Variants in BEND6 observed in about 807,000 individuals in gnomAD.
BEND6 encodes BEN domain-containing protein 6.
In BEND6, 24 loss-of-function variants were observed where a neutral mutation model predicts 31.8. The observed-to-expected ratio is 0.75, with a 90% CI of 0.55 to 1.06. BEND6 has a LOEUF of 1.06. BEND6 is among the 50% of genes least tolerant of loss of function. BEND6 has a pLI of 0.00. For missense variants in BEND6, 294 were observed against 327.4 expected, an observed-to-expected ratio of 0.90 and a Z score of 0.79; for synonymous variants, 109 against 114.6, an observed-to-expected ratio of 0.95 and a Z score of 0.31.
At chr6:57,017,114 C>A in intron 4 of BEND6, 93 bp from the exon 5 acceptor site, 1 of 667,522 alleles carries the variant, frequency 1.5e-6, no homozygotes, top group Non-Finnish European at 2.2e-6. Flanking sequence ...AAAATGTTGA[C>A]ATTGTTTTCT....
chr6:56,989,236 T>C (rs62417410), intron 2 of BEND6, among the ~76,000 whole-genome samples: 29,957 of 151,618 alleles, frequency 0.2, 3,198 homozygotes, highest in Middle Eastern at 0.22. Context: ...TATACCATAT[T>C]GTTTACTTCT....
At chr6:56,999,925 C>A (rs535835867) in intron 3 of BEND6, among the ~76,000 whole-genome samples, 5 of 149,254 alleles carry the variant, frequency 3.3e-5, no homozygotes, top group Non-Finnish European at 7.4e-5. Flanking sequence ...GTCTAGGAAG[C>A]GAGCCCCTCT....
chr6:56,974,081 T>C (rs1209957380), intron 1 of BEND6, among the ~76,000 whole-genome samples: 1 of 152,180 alleles, frequency 6.6e-6, no homozygotes, highest in African/African-American at 2.4e-5. Context: ...ATTTCTGGAA[T>C]TTCCCATTTA....
rs1011420338 is a variant in BEND6, at chr6:56,992,567, G to A, written c.298+12G>A. 7 of 1,598,526 alleles carry A rather than the reference G, an allele frequency of 4.4e-6. No individual in the cohort carries two copies. The highest frequency in any genetic ancestry group is 4.3e-6 in the Non-Finnish European group (5 of 1,175,300). On this transcript the variant is annotated intron_variant, in intron 3 of 6. Coordinates refer to ENST00000370746, the MANE Select transcript of BEND6 (RefSeq NM_152731.3). ...GGTCATGCTTCAAGGTAAACTTTGA[G>A]AAAATTGACATTTTAGATAAAAGGG...
intron 6 of BEND6, among the ~76,000 whole-genome samples, chr6:57,023,446 T>G (rs1287325930): frequency 2.0e-5 from 3 of 152,214 alleles, no homozygotes; most frequent in Non-Finnish European, 2.9e-5. Context: ...TCTGCTCTTT[T>G]TTGGTTCCCA....
rs1032964171 is a variant in BEND6, at chr6:56,972,060, G to A, written c.-100-9651G>A. Among the ~76,000 whole-genome samples, 31 of 91,782 alleles carry A rather than the reference G, an allele frequency of 3.4e-4. No homozygotes were observed. The East Asian group carries it at 9.7e-3, about 29-fold the overall frequency. The allele number at this position is 91,782 out of a possible 152,430, so 60.2% of individuals were successfully genotyped here. ...CAGTTGCATAAAGCTTTTGCCATAT[G>A]TTTTCTTTTTACTTTACTTTACTTT... On this transcript the variant is annotated intron_variant, in intron 1 of 6. Transcript: ENST00000370746.
At chr6:56,977,609 T>A (rs1313874099) in intron 1 of BEND6, among the ~76,000 whole-genome samples, 6 of 152,190 alleles carry the variant, frequency 3.9e-5, no homozygotes, top group African/African-American at 1.4e-4. Context: ...TGTGTATTTT[T>A]AAAAAATAGC....
chr6:56,956,241 T>C (rs1465356299), intron 1 of BEND6, among the ~76,000 whole-genome samples: 4 of 152,278 alleles, frequency 2.6e-5, no homozygotes, highest in Non-Finnish European at 5.9e-5. Context: ...AGCCTCTTTT[T>C]TGGAATATTT....
chr6:56,976,108 C>T (rs1345094831), intron 1 of BEND6: 2 of 271,768 alleles, frequency 7.4e-6, no homozygotes, highest in Non-Finnish European at 1.5e-5. Flanking sequence ...CCCCACATAC[C>T]ACCTGGAAAC....
intron 6 of BEND6, among the ~76,000 whole-genome samples, chr6:57,020,095 A>C (rs1036249484): frequency 2.0e-4 from 31 of 152,182 alleles, no homozygotes; most frequent in African/African-American, 6.0e-4. Flanking sequence ...TTTCCAAAAA[A>C]AGAAGTTATA....
chr6:57,022,976 G>A (rs1317886149), intron 6 of BEND6, among the ~76,000 whole-genome samples: 1 of 152,060 alleles, frequency 6.6e-6, no homozygotes, highest in Non-Finnish European at 1.5e-5. Context: ...TTCCATGGTG[G>A]TCATAAAAAA....
In BEND6 at chr6:57,017,318, C is replaced by G. The variant is rs765485595; in HGVS notation, c.631C>G (p.Leu211Val). Reference protein sequence around the residue: ...YTNEYMATHSLTGAKSSTSRD... With the variant: ...YTNEYMATHSVTGAKSSTSRD... ...AAATGAATACATGGCCACTCACAGC[C>G]TGACAGGGGCAAAATCCTCTACTTC... Residue 211 changes from leucine (L) to valine (V), a missense_variant, in exon 5 of 7, where the codon CTG becomes GTG. Leu to Val is a conservative substitution (Grantham distance 32, BLOSUM62 1). Transcript: ENST00000370746. 3 of 1,464,666 alleles carry G rather than the reference C, an allele frequency of 2.0e-6. No homozygotes were observed. The highest frequency in any genetic ancestry group is 4.5e-5 in the Admixed American group (2 of 44,250). The allele number at this position is 1,464,666 out of a possible 1,614,324, so 90.7% of individuals were successfully genotyped here.
At chr6:57,023,648 C>G (rs190920377) in intron 6 of BEND6, among the ~76,000 whole-genome samples, 8 of 152,272 alleles carry the variant, frequency 5.3e-5, no homozygotes, top group Non-Finnish European at 1.0e-4. Context: ...CAAGGTCTTA[C>G]TCTTGTCCAG....
chr6:57,002,275 A>G (rs1826972520), intron 3 of BEND6, among the ~76,000 whole-genome samples: 1 of 152,190 alleles, frequency 6.6e-6, no homozygotes, highest in African/African-American at 2.4e-5. Flanking sequence ...GGGACTTGAG[A>G]ACACCCCACT....
At chr6:57,007,661 G>A (rs1393445768) in intron 3 of BEND6, among the ~76,000 whole-genome samples, 1 of 152,080 alleles carries the variant, frequency 6.6e-6, no homozygotes, top group Non-Finnish European at 1.5e-5. Flanking sequence ...TGGGTATGGT[G>A]TCTTATGCCT....
At chr6:57,020,424 T>C (rs1361859436) in intron 6 of BEND6, among the ~76,000 whole-genome samples, 1 of 152,150 alleles carries the variant, frequency 6.6e-6, no homozygotes, top group African/African-American at 2.4e-5. Context: ...CTTTTCTTTT[T>C]TATTTTTCAT....
chr6:57,014,797 A>G (rs903335870), intron 3 of BEND6, among the ~76,000 whole-genome samples: 1 of 152,206 alleles, frequency 6.6e-6, no homozygotes, highest in South Asian at 2.1e-4. Flanking sequence ...CAAACAAGAG[A>G]TTCAACTCAA....
intron 5 of BEND6, among the ~76,000 whole-genome samples, chr6:57,017,852 A>G (rs1195080841): frequency 6.6e-6 from 1 of 152,202 alleles, no homozygotes; most frequent in Non-Finnish European, 1.5e-5. Context: ...AAATGTAAGG[A>G]TTCTCTGAAT....
intron 3 of BEND6, 137 bp downstream of exon 3, chr6:56,992,692 A>G (rs987962169): frequency 1.7e-5 from 17 of 973,314 alleles, no homozygotes; most frequent in Non-Finnish European, 2.5e-5. Flanking sequence ...TTTAGAAAAA[A>G]TCACTGATTA....
Sources: allele counts gnomAD v4.1 joint callset (sites outside exome capture counted in the v4.1 genomes callset), GRCh38; gene constraint gnomAD v4.1.1; transcripts MANE v1.5; gene names NCBI Gene and HGNC (gene_info 2026-07-23, HGNC 2026-07-21).